Variants in DEPTOR observed in about 807,000 individuals in gnomAD.
The protein encoded by DEPTOR is DEP domain containing MTOR interacting protein, also known as DEP domain-containing mTOR-interacting protein.
In DEPTOR, 41 loss-of-function variants were observed where a neutral mutation model predicts 41.6. That is an observed-to-expected ratio of 0.98 (90% CI 0.77 to 1.28). The LOEUF is 1.28. Among genes scored for constraint, DEPTOR ranks in the 50% most tolerant of loss-of-function variants. The pLI, the probability that DEPTOR is intolerant of heterozygous loss-of-function variation, is 0.00. For missense variants in DEPTOR, 514 were observed against 527.9 expected (o/e 0.97, Z 0.26); for synonymous variants, 195 against 192.3 (o/e 1.01, Z -0.12).
chr8:119,993,513 C>G (rs1195561916), intron 4 of DEPTOR, among the ~76,000 whole-genome samples: 1 of 152,204 alleles, frequency 6.6e-6, no homozygotes, highest in Non-Finnish European at 1.5e-5. Flanking sequence ...AAGATCACAA[C>G]TGGAACATTA....
At chr8:119,951,815 T>C (rs1335173497) in intron 3 of DEPTOR, among the ~76,000 whole-genome samples, 1 of 152,098 alleles carries the variant, frequency 6.6e-6, no homozygotes, top group Non-Finnish European at 1.5e-5. Flanking sequence ...CTAGTTTCAC[T>C]GGAGGGATAA....
At chr8:120,033,229 A>G (rs923581600) in intron 8 of DEPTOR, among the ~76,000 whole-genome samples, 8 of 151,928 alleles carry the variant, frequency 5.3e-5, no homozygotes, top group African/African-American at 1.9e-4. Context: ...TTGGGATCAC[A>G]GGCATGCACT....
chr8:120,023,861 C>T (rs149124307), intron 8 of DEPTOR, among the ~76,000 whole-genome samples: 2 of 151,276 alleles, frequency 1.3e-5, no homozygotes, highest in African/African-American at 4.9e-5. Flanking sequence ...TCTGAGACAG[C>T]TGCTAGAACT....
chr8:119,999,272 CA>C (rs964792190), intron 4 of DEPTOR, among the ~76,000 whole-genome samples: 35 of 121,764 alleles, frequency 2.9e-4, no homozygotes, highest in Non-Finnish European at 3.1e-4. Context: ...AATTCTGTCT[CA>C]AAAAAAAAAG....
Position 119,895,768 on chromosome 8 carries a change from G to A in DEPTOR, c.122+21800G>A, listed in dbSNP as rs563704398. On this transcript the variant is annotated intron_variant, in intron 1 of 8. Coordinates refer to ENST00000286234, the MANE Select transcript of DEPTOR (RefSeq NM_022783.4). Reference sequence around the variant, plus strand: ...ATGTCTGCACACTTTCCAAGGTGAGGTATGGTGTCCTATTCATTCATATAT... The same window carrying A: ...ATGTCTGCACACTTTCCAAGGTGAGATATGGTGTCCTATTCATTCATATAT... 4.9e-4 allele frequency among the ~76,000 whole-genome samples: 74 copies of A among 152,276 alleles called. 1 individual carries two copies. The highest frequency in any genetic ancestry group is 3.1e-3 in the Admixed American group (48 of 15,284).
intron 3 of DEPTOR, among the ~76,000 whole-genome samples, chr8:119,959,275 G>GCCT (rs1344603712): frequency 6.8e-6 from 1 of 146,340 alleles, no homozygotes; most frequent in Admixed American, 7.1e-5. Flanking sequence ...CCATTCTCCT[G>GCCT]CCTCAGCCTC....
At chr8:120,032,271 A>G (rs1586666693) in intron 8 of DEPTOR, among the ~76,000 whole-genome samples, 1 of 136,156 alleles carries the variant, frequency 7.3e-6, no homozygotes, top group Non-Finnish European at 1.5e-5. Flanking sequence ...CAGGTTGGAG[A>G]GCAGTGGCAC....
At chr8:119,969,058 A>G (rs542725739) in intron 4 of DEPTOR, among the ~76,000 whole-genome samples, 201 of 151,452 alleles carry the variant, frequency 1.3e-3, no homozygotes, top group African/African-American at 4.5e-3. Context: ...TCACGCCACT[A>G]CACTCCAGCC....
chr8:120,049,543 A>G (rs774426668), intron 8 of DEPTOR, 33 bp from the exon 9 acceptor site: 1 of 1,608,914 alleles, frequency 6.2e-7, no homozygotes, highest in South Asian at 1.1e-5. Flanking sequence ...CAGGCGCTAT[A>G]ATAGATGCTC....
At chr8:120,001,465 A>C in intron 4 of DEPTOR, 60 bp from the exon 5 acceptor site, 2 of 1,465,556 alleles carry the variant, frequency 1.4e-6, no homozygotes, top group Non-Finnish European at 1.8e-6. Context: ...CTTTGGCTGT[A>C]GCGCTCAGTG....
At chr8:119,961,664 C>T (rs749826498) in intron 3 of DEPTOR, among the ~76,000 whole-genome samples, 1 of 152,152 alleles carries the variant, frequency 6.6e-6, no homozygotes, top group African/African-American at 2.4e-5. Context: ...CTTCCCACCA[C>T]ACTGAAAGCT....
intron 3 of DEPTOR, among the ~76,000 whole-genome samples, chr8:119,943,396 C>A: frequency 6.6e-6 from 1 of 152,158 alleles, no homozygotes; most frequent in South Asian, 2.1e-4. Context: ...GCACATCTTA[C>A]ATGACAGCAG....
At position 120,001,464 on chromosome 8, in the gene DEPTOR, T is replaced by C. The variant is rs139306995; in HGVS notation, c.605-61T>C. On this transcript the variant is annotated intron_variant, in intron 4 of 8. Transcript: ENST00000286234. ...GCTGTTGCCTGCAGTCCTTTGGCTG[T>C]AGCGCTCAGTGGCCAGGATGCCAGA... 1.8e-3 allele frequency: 2,685 copies of C among 1,466,344 alleles called. 8 individuals are homozygous for C. Among genetic ancestry groups the C allele is most frequent in the Middle Eastern group, 5.4e-3 (25 of 4,650 alleles). 90.8% of individuals were successfully genotyped at this position (1,466,344 alleles called of 1,614,324 possible).
At chr8:120,000,526 A>AGAC (rs1812331007) in intron 4 of DEPTOR, among the ~76,000 whole-genome samples, 1 of 152,000 alleles carries the variant, frequency 6.6e-6, no homozygotes, top group Admixed American at 6.5e-5. Context: ...GCAGTGGTGC[A>AGAC]ATCTCAGCTA....
At chr8:119,893,954 A>G (rs576474403) in intron 1 of DEPTOR, among the ~76,000 whole-genome samples, 2 of 152,334 alleles carry the variant, frequency 1.3e-5, no homozygotes, top group Admixed American at 1.3e-4. Context: ...GTTGAGGGAA[A>G]GGCCACCATC....
chr8:119,993,282 T>G (rs1432876775), intron 4 of DEPTOR, among the ~76,000 whole-genome samples: 1 of 152,156 alleles, frequency 6.6e-6, no homozygotes, highest in Non-Finnish European at 1.5e-5. Context: ...GTGAATTGAG[T>G]GCTTCTAAAG....
intron 1 of DEPTOR, among the ~76,000 whole-genome samples, chr8:119,909,877 G>C (rs1272936580): frequency 6.6e-6 from 1 of 152,224 alleles, no homozygotes; most frequent in African/African-American, 2.4e-5. Flanking sequence ...AATGTGCTGA[G>C]CACATGAAAT....
intron 8 of DEPTOR, among the ~76,000 whole-genome samples, chr8:120,043,955 T>C (rs1813117460): frequency 6.6e-6 from 1 of 151,486 alleles, no homozygotes; most frequent in African/African-American, 2.4e-5. Context: ...GAAGTTGCAG[T>C]GAGCCAAAAT....
At chr8:119,895,662 C>T (rs1376541326) in intron 1 of DEPTOR, among the ~76,000 whole-genome samples, 1 of 152,248 alleles carries the variant, frequency 6.6e-6, no homozygotes, top group South Asian at 2.1e-4. Flanking sequence ...GCTACTAGTC[C>T]CAGCCCACCC....
Sources: gnomAD v4.1 joint callset for allele counts (sites outside exome capture counted in the v4.1 genomes callset) on GRCh38, gnomAD v4.1.1 for gene constraint, MANE v1.5 for transcripts, NCBI Gene and HGNC (gene_info 2026-07-23, HGNC 2026-07-21) for gene names.